The following ARHGEF4 variants were observed in gnomAD, a reference collection of about 807,000 sequenced individuals.
The protein encoded by ARHGEF4 is Rho guanine nucleotide exchange factor 4.
ARHGEF4 carries 119 observed loss-of-function variants against 162.0 expected under a neutral mutation model. The observed-to-expected ratio is 0.73, with a 90% CI of 0.63 to 0.86. ARHGEF4 has a LOEUF of 0.86. ARHGEF4 is among the 40% of genes least tolerant of loss of function. ARHGEF4 has a pLI of 0.00. For missense variants in ARHGEF4, 2,488 were observed against 2,456.0 expected (o/e 1.01, Z -0.28); for synonymous variants, 1,014 against 979.9 (o/e 1.03, Z -0.65).
intron 1 of ARHGEF4, among the ~76,000 whole-genome samples, chr2:130,881,281 T>G (rs981482738): frequency 4.6e-5 from 7 of 152,222 alleles, no homozygotes; most frequent in African/African-American, 1.7e-4. Context: ...TCCAAAGTGC[T>G]GGGATTACAG....
chr2:131,005,801 C>T (rs1558840442), intron 4 of ARHGEF4, among the ~76,000 whole-genome samples: 1 of 152,262 alleles, frequency 6.6e-6, no homozygotes, highest in Non-Finnish European at 1.5e-5. Flanking sequence ...GGCAAAAGGT[C>T]TGGAAGGTGT....
Position 131,046,585 on chromosome 2 carries a change from CTCTCTGGCCTTCTGTGGCCTGCAA to C in ARHGEF4, c.*398_*421del, listed in dbSNP as rs975704814. ...CTCCTTTCATTTCCTCTGGGCAGGACTCTCTGGCCTTCTGTGGCCTGCAATGCCAGGCCATGTGCCCCTCTGCCC... is the reference window on the plus strand; with the variant it reads ...CTCCTTTCATTTCCTCTGGGCAGGACTGCCAGGCCATGTGCCCCTCTGCCC... On this transcript the variant is annotated 3_prime_UTR_variant, in exon 14 of 14. Coordinates refer to ENST00000409359, the MANE Select transcript of ARHGEF4 (RefSeq NM_001367493.1). 6.0e-6 allele frequency: 1 copy of C among 166,154 alleles called. No individual in the cohort carries two copies. Among genetic ancestry groups the C allele is most frequent in the African/African-American group, 2.4e-5 (1 of 41,996 alleles). The allele number at this position is 166,154 out of a possible 1,614,324, so 10.3% of individuals were successfully genotyped here. A position where few individuals can be genotyped will look rare whatever the true frequency, so the allele number is the denominator to read the frequency against.
At chr2:130,965,190 G>A (rs910290481) in intron 4 of ARHGEF4, among the ~76,000 whole-genome samples, 20 of 152,206 alleles carry the variant, frequency 1.3e-4, no homozygotes, top group African/African-American at 4.6e-4. Context: ...AGCCAGAGGA[G>A]CAGAGGGCCA....
At position 130,914,784 on chromosome 2, in the gene ARHGEF4, G is replaced by A. The variant is rs2105053850; in HGVS notation, c.838G>A (p.Asp280Asn). ...KKESTLGPAG[D>N]TELLWSQPHS... ...GGAAAGTACTCTAGGCCCTGCAGGG[G>A]ACACAGAATTGCTCTGGTCCCAGCC... Residue 280 changes from aspartate (D) to asparagine (N), a missense_variant, in exon 2 of 14, where the codon GAC becomes AAC. Asp to Asn is a conservative substitution (Grantham distance 23). Transcript: ENST00000409359. 11 of 1,438,472 alleles carry A rather than the reference G, an allele frequency of 7.6e-6. No homozygotes were observed. The highest frequency in any genetic ancestry group is 5.0e-5 in the East Asian group (2 of 40,052). 89.1% of individuals were successfully genotyped at this position (1,438,472 alleles called of 1,614,324 possible).
rs1273427216 is a variant in ARHGEF4, at chr2:130,915,077, C to T, written c.1131C>T (p.Asn377=). The change falls in exon 2 of 14, where the codon AAC becomes AAT. Residue 377 remains asparagine, a synonymous_variant. Coordinates refer to ENST00000409359, the MANE Select transcript of ARHGEF4 (RefSeq NM_001367493.1). The part of the protein sequence containing the change: ...AKNERDPRIQ[N]IPSPAPTQLS... ...ATGAACGAGATCCAAGAATACAAAACATCCCTTCCCCTGCACCCACCCAGC... is the reference window on the plus strand; with the variant it reads ...ATGAACGAGATCCAAGAATACAAAATATCCCTTCCCCTGCACCCACCCAGC... The T allele has an allele frequency of 1.3e-6, 2 of 1,550,594 alleles. No individual in the cohort carries two copies. The highest frequency in any genetic ancestry group is 1.7e-6 in the Non-Finnish European group (2 of 1,147,038).
chr2:130,916,309 C>T lies in ARHGEF4; in HGVS notation c.2363C>T (p.Pro788Leu), dbSNP rs1681491196. 1.3e-6 allele frequency: 2 copies of T among 1,542,486 alleles called. No homozygotes were observed. Among genetic ancestry groups the T allele is most frequent in the Non-Finnish European group, 1.7e-6 (2 of 1,144,890 alleles). Residue 788 changes from proline (P) to leucine (L), a missense_variant, in exon 2 of 14, where the codon CCT (proline) becomes CTT (leucine). Pro to Leu is a moderately conservative substitution (Grantham distance 98, BLOSUM62 -3). Around this residue, in one of 6 missense-constraint regions of ARHGEF4, gnomAD observed 1,642 missense variants for 1,481.5 expected, o/e 1.11. Coordinates refer to ENST00000409359, the MANE Select transcript of ARHGEF4 (RefSeq NM_001367493.1). ...GGGCTCCGCAAGGGCGCGCAGGAGC[C>T]TGGGAAGCGCCCGACGTTTTCCAAG... ...PRGLRKGAQE[P>L]GKRPTFSKVT...
intron 2 of ARHGEF4, among the ~76,000 whole-genome samples, chr2:130,919,452 T>G (rs1681732903): frequency 6.6e-6 from 1 of 152,194 alleles, no homozygotes; most frequent in South Asian, 2.1e-4. Context: ...CCTTTTGTGT[T>G]TCTGATCACC....
intron 1 of ARHGEF4, among the ~76,000 whole-genome samples, chr2:130,838,422 A>G (rs942912087): frequency 6.6e-6 from 1 of 152,106 alleles, no homozygotes; most frequent in Admixed American, 6.5e-5. Context: ...CCTGGCCAAC[A>G]TGTCAAAACC....
At chr2:131,034,691 G>A (rs536290386) in intron 5 of ARHGEF4, among the ~76,000 whole-genome samples, 45 of 152,282 alleles carry the variant, frequency 3.0e-4, no homozygotes, top group African/African-American at 9.9e-4. Flanking sequence ...TTTGGCCTCT[G>A]TATCTCTGAA....
rs13398838 is a variant in ARHGEF4 at position 130,966,311 on chromosome 2, C to T, written c.3985+19676C>T. On this transcript the variant is annotated intron_variant, in intron 4 of 13. Coordinates refer to ENST00000409359, the MANE Select transcript of ARHGEF4 (RefSeq NM_001367493.1). ...GTCCTTCTCAACTGGTCAGAATTAACTGTGCCTAAGACTCGCCTCTCTTCT... is the reference window on the plus strand; with the variant it reads ...GTCCTTCTCAACTGGTCAGAATTAATTGTGCCTAAGACTCGCCTCTCTTCT... Among the ~76,000 whole-genome samples, 918 of 152,330 alleles carry T rather than the reference C, an allele frequency of 6.0e-3. 8 individuals are homozygous for T. Among genetic ancestry groups the T allele is most frequent in the African/African-American group, 0.021 (886 of 41,572 alleles).
chr2:131,037,860 GC>G (rs77910755), intron 5 of ARHGEF4, among the ~76,000 whole-genome samples: 22,337 of 152,218 alleles, frequency 0.15, 2,181 homozygotes, highest in African/African-American at 0.28. Flanking sequence ...GGGTAACACT[GC>G]ATAAGAGCAG....
chr2:130,962,456 C>G (rs886682758), intron 4 of ARHGEF4, among the ~76,000 whole-genome samples: 25 of 152,260 alleles, frequency 1.6e-4, no homozygotes, highest in Admixed American at 7.9e-4. Flanking sequence ...TGTGGTGGCC[C>G]ACTGCCCCAG....
chr2:131,001,302 CAAAAAAAAAAAAAA>C (rs70994730), intron 4 of ARHGEF4, among the ~76,000 whole-genome samples: 1 of 31,156 alleles, frequency 3.2e-5, no homozygotes, highest in Non-Finnish European at 6.6e-5. Context: ...GACTGTGTCT[CAAAAAAAAAAAAAA>C]AAAAAAAAAA....
rs550739179 is a variant in ARHGEF4, at chr2:130,984,362, A to T, written c.3985+37727A>T. Among the ~76,000 whole-genome samples the T allele has an allele frequency of 2.6e-5, 4 of 152,250 alleles. No homozygotes were observed. The South Asian group carries it at 8.3e-4, about 32-fold the overall frequency. ...CATTTAACAGCAAACTCCACATTCC[A>T]AACGATATTGTGGCCAAACGGTATT... is the stretch of plus-strand genomic sequence containing the variant. On this transcript the variant is annotated intron_variant, in intron 4 of 13. Transcript: ENST00000409359.
At chr2:130,897,731 G>A (rs895360445) in intron 1 of ARHGEF4, among the ~76,000 whole-genome samples, 1 of 152,204 alleles carries the variant, frequency 6.6e-6, no homozygotes, top group African/African-American at 2.4e-5. Flanking sequence ...AGGAAGCTGA[G>A]GTTCAGGCAG....
chr2:130,997,677 T>C (rs554565155), intron 4 of ARHGEF4, among the ~76,000 whole-genome samples: 1 of 152,360 alleles, frequency 6.6e-6, no homozygotes, highest in African/African-American at 2.4e-5. Flanking sequence ...TGGTAATGAG[T>C]GCATAGACTG....
chr2:130,885,487 A>G (rs1454482843), intron 1 of ARHGEF4, among the ~76,000 whole-genome samples: 1 of 151,638 alleles, frequency 6.6e-6, no homozygotes, highest in Non-Finnish European at 1.5e-5. Context: ...AATGGCAACT[A>G]AGTTTCCCAC....
chr2:130,995,720 G>A (rs1687337443), intron 4 of ARHGEF4, among the ~76,000 whole-genome samples: 1 of 152,096 alleles, frequency 6.6e-6, no homozygotes, highest in South Asian at 2.1e-4. Context: ...ATTTAGAGCT[G>A]AGCCACGTCC....
In ARHGEF4 at chr2:130,851,591, T is replaced by TG. The variant is rs1308430163; in HGVS notation, c.39+14606dup. Among the ~76,000 whole-genome samples, 10 of 152,196 alleles carry TG rather than the reference T, an allele frequency of 6.6e-5. 1 individual carries two copies. The highest frequency in any genetic ancestry group is 6.8e-3 in the Middle Eastern group (2 of 294). On this transcript the variant is annotated intron_variant, in intron 1 of 13. Transcript: ENST00000409359. ...ATCCGAGAGGGTGGAGTGGACGGGC[T>TG]GGGGGGGCTCCAGTCTGTCTGCAAA... is the stretch of plus-strand genomic sequence containing the variant.
Sources: gnomAD v4.1 joint callset for allele counts (sites outside exome capture counted in the v4.1 genomes callset) on GRCh38, gnomAD v4.1.1 for gene constraint, gnomAD v4.1.1 regional missense constraint, MANE v1.5 for transcripts, NCBI Gene and HGNC (gene_info 2026-07-23, HGNC 2026-07-21) for gene names.